The following ADORA1 variants were observed in gnomAD, a reference collection of about 807,000 sequenced individuals.
ADORA1 encodes the protein adenosine receptor A1.
ADORA1 carries 6 observed loss-of-function variants against 19.9 expected under a neutral mutation model. The observed-to-expected ratio is 0.30, with a 90% CI of 0.17 to 0.59. ADORA1 has a LOEUF of 0.59. ADORA1 is among the 20% of genes least tolerant of loss of function. The pLI is 0.87. For missense variants in ADORA1, 302 were observed against 439.2 expected (o/e 0.69, Z 2.79); for synonymous variants, 194 against 188.4 (o/e 1.03, Z -0.24).
chr1:203,139,472 A>G lies in ADORA1; in HGVS notation c.341+10290A>G, dbSNP rs188036404. ...GAAATAATTCTCTAGGAAGTGGGAG[A>G]GTGACTAGGCTCAGGAAGTCTAGTA... On this transcript the variant is annotated intron_variant, in intron 3 of 3. Transcript: ENST00000337894. 3.3e-5 allele frequency among the ~76,000 whole-genome samples: 5 copies of G among 152,246 alleles called. No homozygotes were observed. The East Asian group carries it at 7.7e-4, about 24-fold the overall frequency.
intron 3 of ADORA1, among the ~76,000 whole-genome samples, chr1:203,164,465 A>G (rs750428250): frequency 3.3e-5 from 5 of 152,218 alleles, no homozygotes; most frequent in Non-Finnish European, 5.9e-5. Flanking sequence ...GAAAGTATCT[A>G]GCATGTAGTA....
At chr1:203,163,886 C>T (rs942243342) in intron 3 of ADORA1, among the ~76,000 whole-genome samples, 2 of 152,208 alleles carry the variant, frequency 1.3e-5, no homozygotes, top group African/African-American at 4.8e-5. Context: ...GGCAGCCTCT[C>T]CCTTCACACT....
intron 3 of ADORA1, among the ~76,000 whole-genome samples, chr1:203,142,501 C>T (rs1654727090): frequency 1.3e-5 from 2 of 152,138 alleles, no homozygotes; most frequent in South Asian, 2.1e-4. Context: ...TTTATATTCG[C>T]CTACAGAAGA....
At chr1:203,148,388 T>C (rs961675122) in intron 3 of ADORA1, among the ~76,000 whole-genome samples, 1 of 152,198 alleles carries the variant, frequency 6.6e-6, no homozygotes, top group African/African-American at 2.4e-5. Flanking sequence ...GAAAGCTCAA[T>C]GCTAAATGGT....
At chr1:203,150,748 G>A (rs1371577972) in intron 3 of ADORA1, 1 of 1,289,758 alleles carries the variant, frequency 7.8e-7, no homozygotes, top group South Asian at 1.2e-5. Flanking sequence ...TGAGTGTGGG[G>A]GTGGACTCTT....
rs561342860 is a variant in ADORA1 at position 203,141,662 on chromosome 1, C to T, written c.341+12480C>T. 2.2e-5 allele frequency among the ~76,000 whole-genome samples: 3 copies of T among 138,490 alleles called. No homozygotes were observed. In the East Asian group the frequency reaches 6.2e-4, roughly 29 times the overall value. The allele number at this position is 138,490 out of a possible 152,430, so 90.9% of individuals were successfully genotyped here. ...GTGGCACGATCTTGGCTCACTGCAACCTCTGCCTCCCGGGTTCAAGTGATT... is the reference window on the plus strand; with the variant it reads ...GTGGCACGATCTTGGCTCACTGCAATCTCTGCCTCCCGGGTTCAAGTGATT... On this transcript the variant is annotated intron_variant, in intron 3 of 3. Transcript: ENST00000337894.
rs56188119 is a variant in ADORA1, at chr1:203,141,572, A to ATTTTT, written c.341+12412_341+12416dup. 4.5e-4 allele frequency among the ~76,000 whole-genome samples: 33 copies of ATTTTT among 73,564 alleles called. 4 individuals are homozygous for ATTTTT. Among genetic ancestry groups the ATTTTT allele is most frequent in the South Asian group, 1.4e-3 (2 of 1,386 alleles). The allele number at this position is 73,564 out of a possible 152,430, so 48.3% of individuals were successfully genotyped here. ...TTTGAAAAAAGCTCCTCTAACCTGG[A>ATTTTT]TTTTTTTTTTTTTTTTTTTTTTTTT... On this transcript the variant is annotated intron_variant, in intron 3 of 3. Transcript: ENST00000337894.
intron 3 of ADORA1, chr1:203,152,737 T>C (rs1655076609): frequency 6.6e-6 from 1 of 152,058 alleles, no homozygotes; most frequent in Non-Finnish European, 1.5e-5. Flanking sequence ...CTGGGTCCAG[T>C]TTTCCTGCAT....
At chr1:203,132,599 T>C (rs111258758) in intron 3 of ADORA1, among the ~76,000 whole-genome samples, 2,336 of 152,232 alleles carry the variant, frequency 0.015, 48 homozygotes, top group Middle Eastern at 0.044. Flanking sequence ...TCCCAGCACA[T>C]TGGGAGGCTG....
At chr1:203,127,951 C>G (rs201927878) in intron 1 of ADORA1, 23 bp downstream of exon 1, 3 of 168,988 alleles carry the variant, frequency 1.8e-5, no homozygotes, top group Non-Finnish European at 3.8e-5. Flanking sequence ...CTCGGTTCAC[C>G]CCTGGGGCTC....
rs149221988 is a variant in ADORA1, at chr1:203,140,149, T to G, written c.341+10967T>G. ...GAAAAAAATCAATCAGTGTAATTCA[T>G]CACACCAACATAAGAGGGTCACTCT... On this transcript the variant is annotated intron_variant, in intron 3 of 3. Transcript: ENST00000337894. 1.5e-4 allele frequency among the ~76,000 whole-genome samples: 23 copies of G among 152,310 alleles called. No homozygotes were observed. In the East Asian group the frequency reaches 4.4e-3, roughly 29 times the overall value.
At chr1:203,139,496 T>C (rs2102742204) in intron 3 of ADORA1, among the ~76,000 whole-genome samples, 1 of 152,334 alleles carries the variant, frequency 6.6e-6, no homozygotes, top group East Asian at 1.9e-4. Flanking sequence ...GGAAGTCTAG[T>C]ATAATTGGGG....
chr1:203,140,016 A>G (rs1320938749), intron 3 of ADORA1, among the ~76,000 whole-genome samples: 2 of 152,252 alleles, frequency 1.3e-5, no homozygotes, highest in African/African-American at 4.8e-5. Context: ...TAAAAAGGTC[A>G]AAAGTCCTTG....
chr1:203,154,887 A>C (rs764572842), intron 3 of ADORA1, among the ~76,000 whole-genome samples: 1 of 152,158 alleles, frequency 6.6e-6, no homozygotes, highest in Non-Finnish European at 1.5e-5. Flanking sequence ...GCTGTTCTGC[A>C]TTCACCAAAG....
chr1:203,150,573 T>C, intron 3 of ADORA1: 5 of 1,269,100 alleles, frequency 3.9e-6, no homozygotes, highest in Non-Finnish European at 4.1e-6. Context: ...CCCCTTTGCC[T>C]GGTTGCAAGG....
At chr1:203,156,653 C>T (rs758606347) in intron 3 of ADORA1, among the ~76,000 whole-genome samples, 1 of 152,192 alleles carries the variant, frequency 6.6e-6, no homozygotes, top group Non-Finnish European at 1.5e-5. Flanking sequence ...CTCTTTCTCT[C>T]ACCTGGACAT....
intron 3 of ADORA1, among the ~76,000 whole-genome samples, chr1:203,159,650 G>A (rs1482638205): frequency 1.3e-5 from 2 of 152,150 alleles, no homozygotes; most frequent in African/African-American, 4.8e-5. Context: ...AAAATGATCT[G>A]GTTTATTTGT....
At position 203,128,900 on chromosome 1, in the gene ADORA1, C is replaced by A; in HGVS notation, c.59C>A (p.Ala20Asp). The change falls in exon 3 of 4, where the codon GCC becomes GAC. Residue 20 changes from alanine (A) to aspartate (D), a missense_variant. By Grantham distance (126) the Ala-to-Asp change is moderately radical. Coordinates refer to ENST00000337894, the MANE Select transcript of ADORA1 (RefSeq NM_000674.3). This position sits in a 1 kb window ranked among gnomAD's most constrained non-coding sequence, Gnocchi z 5.9. Reference sequence around the variant, plus strand: ...TACATCGGCATCGAGGTGCTCATCGCCCTGGTCTCTGTGCCCGGGAACGTG... The same window carrying A: ...TACATCGGCATCGAGGTGCTCATCGACCTGGTCTCTGTGCCCGGGAACGTG... ...AAYIGIEVLI[A>D]LVSVPGNVLV... The A allele has an allele frequency of 6.2e-7, 1 of 1,613,374 alleles. No individual in the cohort carries two copies.
chr1:203,154,350 G>A (rs746975675), intron 3 of ADORA1, among the ~76,000 whole-genome samples: 10 of 152,138 alleles, frequency 6.6e-5, no homozygotes, highest in African/African-American at 1.9e-4. Context: ...CTCTTGAACT[G>A]TCTGAGTCTA....
Sources: gnomAD v4.1 joint callset for allele counts (sites outside exome capture counted in the v4.1 genomes callset) on GRCh38, gnomAD v4.1.1 for gene constraint, Gnocchi (gnomAD v3.1) non-coding constraint, MANE v1.5 for transcripts, NCBI Gene and HGNC (gene_info 2026-07-23, HGNC 2026-07-21) for gene names.